The following DLGAP2 variants were observed in gnomAD, a reference collection of about 807,000 sequenced individuals.
DLGAP2 encodes the protein DLG associated protein 2.
A neutral mutation model predicts 100.3 loss-of-function variants in DLGAP2; 26 were observed. The ratio of observed to expected loss-of-function variants is 0.26; its 90% CI spans 0.19 to 0.36. DLGAP2 has a LOEUF of 0.36. Among genes scored for constraint, DLGAP2 ranks in the 10% least tolerant of loss-of-function variants. DLGAP2 has a pLI of 1.00. For synonymous variants in DLGAP2, 886 were observed against 630.1 expected, an observed-to-expected ratio of 1.41 and a Z score of -6.08; for missense variants, 1,858 against 1,453.2, an observed-to-expected ratio of 1.28 and a Z score of -4.53.
intron 3 of DLGAP2, among the ~76,000 whole-genome samples, chr8:1,293,643 T>A (rs1800107714): frequency 6.6e-6 from 1 of 152,030 alleles, no homozygotes; most frequent in African/African-American, 2.4e-5. Flanking sequence ...AAAAAAAAAA[T>A]TATCATGCCT....
At chr8:1,102,197 T>C (rs1377827974) in intron 2 of DLGAP2, among the ~76,000 whole-genome samples, 1 of 148,246 alleles carries the variant, frequency 6.7e-6, no homozygotes, top group Non-Finnish European at 1.5e-5. Context: ...TAATATTGAA[T>C]TACATATTGA....
chr8:1,468,343 T>C (rs113576099), intron 3 of DLGAP2, among the ~76,000 whole-genome samples: 9,173 of 142,890 alleles, frequency 0.064, 921 homozygotes, highest in African/African-American at 0.22. Context: ...GGCGTGGATC[T>C]GGGCTGGTCC....
intron 2 of DLGAP2, among the ~76,000 whole-genome samples, chr8:957,708 T>C (rs574692604): frequency 6.6e-6 from 1 of 152,366 alleles, no homozygotes; most frequent in South Asian, 2.1e-4. Flanking sequence ...TCTAGTTTTA[T>C]TAATCTTTCA....
chr8:1,287,957 TG>T (rs1360087800), intron 3 of DLGAP2, among the ~76,000 whole-genome samples: 77 of 113,538 alleles, frequency 6.8e-4, no homozygotes, highest in South Asian at 1.7e-3. Flanking sequence ...TGTGTGTGTG[TG>T]GTTGTTAGGG....
intron 6 of DLGAP2, among the ~76,000 whole-genome samples, chr8:1,604,179 A>G (rs926988778): frequency 6.6e-6 from 1 of 152,166 alleles, no homozygotes; most frequent in Non-Finnish European, 1.5e-5. Context: ...TTCAGAAATC[A>G]TTTTCCTGGA....
At chr8:1,623,369 G>A (rs553385621) in intron 6 of DLGAP2, among the ~76,000 whole-genome samples, 4 of 147,656 alleles carry the variant, frequency 2.7e-5, no homozygotes, top group African/African-American at 1.0e-4. Context: ...TGATGACCTG[G>A]AACCAGTGCG....
At chr8:926,795 G>T (rs1417517881) in intron 2 of DLGAP2, among the ~76,000 whole-genome samples, 2 of 152,254 alleles carry the variant, frequency 1.3e-5, no homozygotes, top group East Asian at 1.9e-4. Context: ...GCACCCACAG[G>T]AGCCGTCACA....
intron 2 of DLGAP2, among the ~76,000 whole-genome samples, chr8:977,335 AG>A (rs1800191224): frequency 6.6e-6 from 1 of 152,212 alleles, no homozygotes. Flanking sequence ...CTGACAGCTG[AG>A]GTGGACACAT....
chr8:1,182,070 T>C (rs79531530), intron 2 of DLGAP2, among the ~76,000 whole-genome samples: 5,991 of 152,320 alleles, frequency 0.039, 440 homozygotes, highest in African/African-American at 0.14. Context: ...ATGTGCCTGA[T>C]AGATGGGTCT....
intron 8 of DLGAP2, among the ~76,000 whole-genome samples, chr8:1,656,726 C>T (rs192449301): frequency 6.6e-6 from 1 of 152,262 alleles, no homozygotes; most frequent in East Asian, 1.9e-4. Flanking sequence ...TTATGGAATT[C>T]TTCCTAAAAC....
intron 3 of DLGAP2, among the ~76,000 whole-genome samples, chr8:1,494,131 G>C (rs1799476244): frequency 6.6e-6 from 1 of 152,248 alleles, no homozygotes; most frequent in Non-Finnish European, 1.5e-5. Context: ...GTGGACGAAA[G>C]TGGGTCATGT....
chr8:1,334,173 G>C (rs1801220197), intron 3 of DLGAP2, among the ~76,000 whole-genome samples: 1 of 152,206 alleles, frequency 6.6e-6, no homozygotes, highest in African/African-American at 2.4e-5. Context: ...CATTCTGATG[G>C]GCTGCCTTGA....
At chr8:1,168,490 C>G (rs1797063651) in intron 2 of DLGAP2, among the ~76,000 whole-genome samples, 2 of 148,732 alleles carry the variant, frequency 1.3e-5, no homozygotes, top group South Asian at 4.4e-4. Context: ...AGTTTACAGT[C>G]CCACCAACAG....
chr8:1,368,031 A>ATTGACTCTGCTTTCACATTTTAAC (rs1338208139), intron 3 of DLGAP2, among the ~76,000 whole-genome samples: 5 of 152,084 alleles, frequency 3.3e-5, no homozygotes, highest in Admixed American at 1.3e-4. Context: ...TATTTTGGGG[A>ATTGACTCTGCTTTCACATTTTAAC]TTGACTCTGC....
At chr8:1,668,936 GC>G (rs1369419482) in intron 9 of DLGAP2, among the ~76,000 whole-genome samples, 2 of 143,620 alleles carry the variant, frequency 1.4e-5, no homozygotes, top group African/African-American at 2.8e-5. Flanking sequence ...CCTGTCCCCT[GC>G]CACCCTGAAA....
At chr8:1,680,149 C>G (rs2130858085) in intron 12 of DLGAP2, among the ~76,000 whole-genome samples, 1 of 152,288 alleles carries the variant, frequency 6.6e-6, no homozygotes, top group South Asian at 2.1e-4. Context: ...TTTCACAAAG[C>G]TATTTCTGAA....
intron 1 of DLGAP2, among the ~76,000 whole-genome samples, chr8:855,253 T>C (rs10503150): frequency 0.047 from 7,148 of 152,270 alleles, 264 homozygotes; most frequent in African/African-American, 0.1. Context: ...TTTCTCTTTT[T>C]TCAGAACCGT....
At chr8:1,614,542 C>G (rs1047638948) in intron 6 of DLGAP2, among the ~76,000 whole-genome samples, 3 of 152,194 alleles carry the variant, frequency 2.0e-5, no homozygotes, top group Admixed American at 1.3e-4. Flanking sequence ...GAAAACATGA[C>G]TTACCGGACG....
intron 2 of DLGAP2, among the ~76,000 whole-genome samples, chr8:1,058,771 A>G (rs1802961176): frequency 6.6e-6 from 1 of 152,240 alleles, no homozygotes; most frequent in African/African-American, 2.4e-5. Context: ...TGATCTTAAA[A>G]GTGATATTTG....
Sources: allele counts gnomAD v4.1 joint callset (sites outside exome capture counted in the v4.1 genomes callset), GRCh38; gene constraint gnomAD v4.1.1; transcripts MANE v1.5; gene names NCBI Gene and HGNC (gene_info 2026-07-23, HGNC 2026-07-21).